Variants in FANCI observed in about 807,000 individuals in gnomAD.
The protein encoded by FANCI is FA complementation group I.
In FANCI, 156 loss-of-function variants were observed where a neutral mutation model predicts 176.1. That is an observed-to-expected ratio of 0.89 (90% CI 0.78 to 1.01). FANCI has a LOEUF of 1.01. FANCI is among the 50% of genes least tolerant of loss of function. The pLI is 0.00. For missense variants in FANCI, 1,678 were observed against 1,534.1 expected (o/e 1.09, Z -1.57); for synonymous variants, 613 against 541.7 (o/e 1.13, Z -1.83).
Position 89,312,827 on chromosome 15 carries a change from A to G in FANCI, c.3652-77A>G, listed in dbSNP as rs1405223836. 4 of 1,242,582 alleles carry G rather than the reference A, an allele frequency of 3.2e-6. No homozygotes were observed. The East Asian group carries it at 1.0e-4, about 31-fold the overall frequency. The allele number at this position is 1,242,582 out of a possible 1,614,324, so 77.0% of individuals were successfully genotyped here. ...GCAAAGCTCTGTCTTAAAAAAAAAA[A>G]AAAAAAAATTAGCACTAGCATGCTA... On this transcript the variant is annotated intron_variant, in intron 34 of 37. Transcript: ENST00000310775.
At chr15:89,316,310 A>C in intron 37 of FANCI, 87 bp from the exon 38 acceptor site, 16 of 1,313,464 alleles carry the variant, frequency 1.2e-5, no homozygotes, top group Non-Finnish European at 1.7e-5. Context: ...TTTGATGAGA[A>C]GATAGAGTCT....
rs2052830473 is a variant in FANCI, at chr15:89,264,006, C to T, written c.649C>T (p.Leu217Phe). The change falls in exon 8 of 38, where the codon CTT becomes TTT. Residue 217 changes from leucine (L) to phenylalanine (F), a missense_variant. By Grantham distance (22) the Leu-to-Phe change is conservative (BLOSUM62 0). This residue lies in a region of FANCI where 469 missense variants were observed against 436.9 expected (regional missense o/e 1.07). Coordinates refer to ENST00000310775, the MANE Select transcript of FANCI (RefSeq NM_001113378.2). Reference protein sequence around the residue: ...LQEIPPLVYQLLVLSSKGSRK... With the variant: ...LQEIPPLVYQFLVLSSKGSRK... The stretch of plus-strand genomic sequence containing the variant: ...AGAAATACCACCTTTGGTCTATCAG[C>T]TTCTGGTTCTCTCCTCCAAGGTACA... 6.2e-7 allele frequency: 1 copy of T among 1,614,096 alleles called. No homozygotes were observed. The highest frequency in any genetic ancestry group is 8.5e-7 in the Non-Finnish European group (1 of 1,179,960).
At chr15:89,252,392 C>T (rs1266972559) in intron 2 of FANCI, among the ~76,000 whole-genome samples, 1 of 151,956 alleles carries the variant, frequency 6.6e-6, no homozygotes. Flanking sequence ...ATAAAACCAT[C>T]TATAAACGAA....
In FANCI at chr15:89,316,974, AG is replaced by A. The variant is rs1456206895; in HGVS notation, c.*518del. 1 of 692,826 alleles carries A rather than the reference AG, an allele frequency of 1.4e-6. No individual in the cohort carries two copies. Among genetic ancestry groups the A allele is most frequent in the Non-Finnish European group, 2.6e-6 (1 of 379,906 alleles). 42.9% of individuals were successfully genotyped at this position (692,826 alleles called of 1,614,324 possible). Reference sequence around the variant, plus strand: ...ACGAACGGTAATGTTACATGTTAGGAGGGTCTGTTTTCTTTTTATATAAGTG... The same window carrying A: ...ACGAACGGTAATGTTACATGTTAGGAGGTCTGTTTTCTTTTTATATAAGTG... On this transcript the variant is annotated 3_prime_UTR_variant, in exon 38 of 38. Coordinates refer to ENST00000310775, the MANE Select transcript of FANCI (RefSeq NM_001113378.2).
Position 89,247,671 on chromosome 15 carries a change from A to G in FANCI, c.24A>G (p.Leu8=), listed in dbSNP as rs746673414. 6 of 1,613,934 alleles carry G rather than the reference A, an allele frequency of 3.7e-6. No individual in the cohort carries two copies. The African/African-American group carries it at 6.7e-5, about 18-fold the overall frequency. The part of the protein sequence containing the change: MDQKILS[L]AAEKTADKLQ... Reference sequence around the variant, plus strand: ...CAATGGACCAGAAGATTTTATCTCTAGCAGCAGAAAAAACAGCAGACAAAC... The same window carrying G: ...CAATGGACCAGAAGATTTTATCTCTGGCAGCAGAAAAAACAGCAGACAAAC... The change falls in exon 2 of 38, where the codon CTA becomes CTG. Residue 8 remains leucine, a synonymous_variant. Transcript: ENST00000310775.
At chr15:89,278,481 A>C (rs2053489137) in intron 13 of FANCI, among the ~76,000 whole-genome samples, 2 of 152,236 alleles carry the variant, frequency 1.3e-5, no homozygotes, top group Non-Finnish European at 1.5e-5. Flanking sequence ...GCTAATAAAC[A>C]TGGTATTTAT....
At chr15:89,248,450 T>G (rs1289838230) in intron 2 of FANCI, among the ~76,000 whole-genome samples, 2 of 152,080 alleles carry the variant, frequency 1.3e-5, no homozygotes, top group African/African-American at 4.8e-5. Flanking sequence ...ATGTTGTAGT[T>G]ATTGAAGGAA....
intron 17 of FANCI, among the ~76,000 whole-genome samples, chr15:89,284,893 A>T (rs963376625): frequency 6.6e-6 from 1 of 152,202 alleles, no homozygotes; most frequent in Non-Finnish European, 1.5e-5. Context: ...ATTTTGTTAA[A>T]ATGCTTAAAA....
intron 11 of FANCI, 104 bp downstream of exon 11, chr15:89,273,573 A>G (rs2053290092): frequency 4.1e-6 from 3 of 736,726 alleles, no homozygotes; most frequent in African/African-American, 3.6e-5. Context: ...GTTCCTAAAC[A>G]ATTTTATCCC....
Position 89,252,167 on chromosome 15 carries a change from G to A in FANCI, c.84+4436G>A, listed in dbSNP as rs58798275. Among the ~76,000 whole-genome samples the A allele has an allele frequency of 4.3e-3, 656 of 152,018 alleles. 5 individuals carry two copies. Among genetic ancestry groups the A allele is most frequent in the African/African-American group, 0.015 (628 of 41,456 alleles). On this transcript the variant is annotated intron_variant, in intron 2 of 37. Coordinates refer to ENST00000310775, the MANE Select transcript of FANCI (RefSeq NM_001113378.2). ...ATATAAAAATTAGCTGGGCGTGGTG[G>A]TGTGTGCCTGTAATCCCAGCTACTC...
rs193020534 is a variant in FANCI, at chr15:89,286,111, A to G, written c.1821+893A>G. 3.6e-3 allele frequency among the ~76,000 whole-genome samples: 540 copies of G among 151,928 alleles called. 4 individuals carry two copies. The highest frequency in any genetic ancestry group is 0.013 in the African/African-American group (518 of 41,422). ...GTTCAAGCAGTTCTCCTGCTTCTCA[A>G]CCTCCCAAGTACCTGGGATTACAGC... On this transcript the variant is annotated intron_variant, in intron 18 of 37. Transcript: ENST00000310775.
chr15:89,314,833 C>T lies in FANCI; in HGVS notation c.3816+126C>T, dbSNP rs2055145058. 6.9e-5 allele frequency: 25 copies of T among 361,162 alleles called. 2 individuals carry two copies. The South Asian group carries it at 7.0e-4, about 10-fold the overall frequency. 22.4% of individuals were successfully genotyped at this position (361,162 alleles called of 1,614,324 possible). On this transcript the variant is annotated intron_variant, in intron 36 of 37. Coordinates refer to ENST00000310775, the MANE Select transcript of FANCI (RefSeq NM_001113378.2). ...GCCATTTGTGTGTTTGCCATCCCCCCTCTCCCCCCCCCCCCCTTTTTTTTT... is the reference window on the plus strand; with the variant it reads ...GCCATTTGTGTGTTTGCCATCCCCCTTCTCCCCCCCCCCCCCTTTTTTTTT...
At chr15:89,278,938 G>C (rs376180212) in intron 14 of FANCI, among the ~76,000 whole-genome samples, 164 bp downstream of exon 14, 1 of 152,198 alleles carries the variant, frequency 6.6e-6, no homozygotes, top group African/African-American at 2.4e-5. Context: ...ATTGTCAGTT[G>C]TCAAAAAGGC....
At chr15:89,312,636 A>G (rs1193946611) in intron 34 of FANCI, among the ~76,000 whole-genome samples, 2 of 152,154 alleles carry the variant, frequency 1.3e-5, no homozygotes, top group Non-Finnish European at 2.9e-5. Flanking sequence ...CCTGGCCAAC[A>G]TGGCAAAACA....
intron 24 of FANCI, among the ~76,000 whole-genome samples, chr15:89,298,494 A>T (rs539079471): frequency 2.6e-4 from 40 of 152,328 alleles, no homozygotes; most frequent in African/African-American, 9.6e-4. Flanking sequence ...CTATTGAGGA[A>T]ATTAAAGCAG....
At chr15:89,279,334 T>C (rs912167643) in intron 14 of FANCI, among the ~76,000 whole-genome samples, 1 of 152,210 alleles carries the variant, frequency 6.6e-6, no homozygotes, top group African/African-American at 2.4e-5. Flanking sequence ...ATTTTTGTAT[T>C]ATTAGTAGAG....
rs2052052021 is a variant in FANCI, at chr15:89,247,747, C to T, written c.84+16C>T. 5 of 1,608,574 alleles carry T rather than the reference C, an allele frequency of 3.1e-6. No individual in the cohort carries two copies. The highest frequency in any genetic ancestry group is 3.3e-5 in the Admixed American group (2 of 60,018). ...AGAAGGTGATGTGAGTATTAGGAAG[C>T]ATGTTCTGCTAAAAGTAAATGTCAG... On this transcript the variant is annotated intron_variant, in intron 2 of 37. Transcript: ENST00000310775.
chr15:89,247,190 A>G (rs2052027405), intron 1 of FANCI, among the ~76,000 whole-genome samples: 1 of 150,430 alleles, frequency 6.6e-6, no homozygotes, highest in Non-Finnish European at 1.5e-5. Context: ...TTGTTTTTAT[A>G]CCATTTAATT....
In FANCI at chr15:89,306,080, G is replaced by C; in HGVS notation, c.3423G>C (p.Leu1141=). The change falls in exon 32 of 38, where the codon CTG becomes CTC. Residue 1141 remains leucine, a synonymous_variant. Transcript: ENST00000310775. The stretch of plus-strand genomic sequence containing the variant: ...CTATCATCATGCAACTGGGAACTCT[G>C]CTTACATTTTTCCACGAGCTGGTGC... ...EKAIIMQLGT[L]LTFFHELVQT... 6.2e-7 allele frequency: 1 copy of C among 1,614,178 alleles called. No individual in the cohort carries two copies. Among genetic ancestry groups the C allele is most frequent in the African/African-American group, 1.3e-5 (1 of 75,040 alleles).
Sources: gnomAD v4.1 joint callset for allele counts (sites outside exome capture counted in the v4.1 genomes callset) on GRCh38, gnomAD v4.1.1 for gene constraint, gnomAD v4.1.1 regional missense constraint, MANE v1.5 for transcripts, NCBI Gene and HGNC (gene_info 2026-07-23, HGNC 2026-07-21) for gene names.